Variants in COG5 observed in about 807,000 individuals in gnomAD.
The protein encoded by COG5 is conserved oligomeric Golgi complex subunit 5.
COG5 carries 86 observed loss-of-function variants against 110.4 expected under a neutral mutation model. The ratio of observed to expected loss-of-function variants is 0.78; its 90% CI spans 0.65 to 0.93. COG5 has a LOEUF of 0.93. Among genes scored for constraint, COG5 ranks in the 40% least tolerant of loss-of-function variants. The pLI is 0.00. For synonymous variants in COG5, 360 were observed against 334.6 expected (o/e 1.08, Z -0.83); for missense variants, 1,077 against 987.0 (o/e 1.09, Z -1.22).
At chr7:107,508,189 A>G (rs1294627997) in intron 6 of COG5, among the ~76,000 whole-genome samples, 2 of 152,206 alleles carry the variant, frequency 1.3e-5, no homozygotes, top group Non-Finnish European at 2.9e-5. Context: ...CTAATACTGC[A>G]CTTTTCCAAT....
chr7:107,265,685 C>T (rs1444222260), intron 14 of COG5, among the ~76,000 whole-genome samples: 2 of 152,058 alleles, frequency 1.3e-5, no homozygotes, highest in South Asian at 4.2e-4. Context: ...GTCAATTATC[C>T]TATAAAAATG....
At chr7:107,230,022 T>C (rs2116398050) in intron 19 of COG5, among the ~76,000 whole-genome samples, 1 of 152,158 alleles carries the variant, frequency 6.6e-6, no homozygotes, top group East Asian at 1.9e-4. Context: ...AGCTAATTTT[T>C]GTATTTTTAG....
At chr7:107,522,806 A>C (rs185457743) in intron 6 of COG5, among the ~76,000 whole-genome samples, 1 of 152,126 alleles carries the variant, frequency 6.6e-6, no homozygotes, top group Non-Finnish European at 1.5e-5. Context: ...TGTTGAAAAG[A>C]CTATTTTTTT....
intron 12 of COG5, among the ~76,000 whole-genome samples, chr7:107,295,107 T>A (rs1344377425): frequency 0.012 from 1,254 of 106,790 alleles, 3 homozygotes; most frequent in Non-Finnish European, 0.018. Flanking sequence ...ATATATTTTT[T>A]TTTTTTTTTT....
chr7:107,266,138 T>C (rs1162530103), intron 14 of COG5, among the ~76,000 whole-genome samples: 4 of 152,148 alleles, frequency 2.6e-5, no homozygotes, highest in Non-Finnish European at 4.4e-5. Flanking sequence ...TTATGTGGAA[T>C]CCAGGGTTAG....
intron 7 of COG5, among the ~76,000 whole-genome samples, chr7:107,382,899 T>C (rs1475060348): frequency 6.6e-6 from 1 of 152,226 alleles, no homozygotes; most frequent in Non-Finnish European, 1.5e-5. Context: ...AGACTAACCT[T>C]ACTTATTCCT....
chr7:107,217,362 C>T (rs982580316), intron 19 of COG5, among the ~76,000 whole-genome samples: 1 of 151,906 alleles, frequency 6.6e-6, no homozygotes, highest in Non-Finnish European at 1.5e-5. Context: ...CCAAAAAAAT[C>T]AAAAAGGAAG....
At chr7:107,420,219 G>A (rs1438545396) in intron 6 of COG5, among the ~76,000 whole-genome samples, 1 of 152,130 alleles carries the variant, frequency 6.6e-6, no homozygotes, top group East Asian at 1.9e-4. Context: ...ACTTTTCTGA[G>A]ACTCCAACAG....
chr7:107,542,827 G>C (rs764287356), intron 5 of COG5, among the ~76,000 whole-genome samples: 1 of 152,036 alleles, frequency 6.6e-6, no homozygotes, highest in Non-Finnish European at 1.5e-5. Context: ...CAAAAAAATA[G>C]CCAAATGTGG....
chr7:107,367,086 C>T (rs578134290), intron 8 of COG5, among the ~76,000 whole-genome samples: 1 of 84,202 alleles, frequency 1.2e-5, no homozygotes, highest in South Asian at 2.6e-4. Context: ...TTTTTGTCTC[C>T]TACATTTTGT....
intron 6 of COG5, among the ~76,000 whole-genome samples, chr7:107,439,200 T>C (rs1794556718): frequency 6.6e-6 from 1 of 152,156 alleles, no homozygotes; most frequent in Non-Finnish European, 1.5e-5. Context: ...TTCACTCTCT[T>C]ACATCATCAA....
At chr7:107,485,980 G>C (rs1797634256) in intron 6 of COG5, among the ~76,000 whole-genome samples, 1 of 152,148 alleles carries the variant, frequency 6.6e-6, no homozygotes, top group Admixed American at 6.6e-5. Flanking sequence ...ATATTAGGCA[G>C]AGGCACAAAC....
chr7:107,511,737 T>C (rs1230441685), intron 6 of COG5, among the ~76,000 whole-genome samples: 1 of 152,102 alleles, frequency 6.6e-6, no homozygotes, highest in Non-Finnish European at 1.5e-5. Context: ...AAGGCTGGTT[T>C]AACATATGAA....
At chr7:107,220,018 TGGGTAA>T in intron 19 of COG5, among the ~76,000 whole-genome samples, 1 of 152,252 alleles carries the variant, frequency 6.6e-6, no homozygotes, top group Non-Finnish European at 1.5e-5. Flanking sequence ...ATTTTACAGA[TGGGTAA>T]ACAGAGGCAT....
chr7:107,510,994 C>A (rs1461383947), intron 6 of COG5, among the ~76,000 whole-genome samples: 5 of 151,696 alleles, frequency 3.3e-5, no homozygotes, highest in Non-Finnish European at 5.9e-5. Flanking sequence ...ACTAGAAAAG[C>A]AAGAGCAAAC....
At chr7:107,466,925 GTTT>G (rs1399616113) in intron 6 of COG5, among the ~76,000 whole-genome samples, 1 of 152,160 alleles carries the variant, frequency 6.6e-6, no homozygotes, top group Admixed American at 6.5e-5. Context: ...ACAAAGCTGA[GTTT>G]TTATTTACAA....
intron 7 of COG5, among the ~76,000 whole-genome samples, chr7:107,395,108 TA>T (rs1343870896): frequency 6.6e-6 from 1 of 152,198 alleles, no homozygotes; most frequent in African/African-American, 2.4e-5. Context: ...CACAGAGATT[TA>T]AAAATTTTAC....
At chr7:107,367,569 T>TAC (rs146551030) in intron 8 of COG5, among the ~76,000 whole-genome samples, 14,133 of 150,764 alleles carry the variant, frequency 0.094, 1,040 homozygotes, top group African/African-American at 0.21. Flanking sequence ...TGTATATATA[T>TAC]ACACACACAC....
At chr7:107,323,255 G>A (rs183732099) in intron 11 of COG5, among the ~76,000 whole-genome samples, 7 of 152,298 alleles carry the variant, frequency 4.6e-5, no homozygotes, top group African/African-American at 1.4e-4. Flanking sequence ...CAGGCCGGGC[G>A]CAGTGGCTCA....
Sources: gnomAD v4.1 joint callset for allele counts (sites outside exome capture counted in the v4.1 genomes callset) on GRCh38, gnomAD v4.1.1 for gene constraint, MANE v1.5 for transcripts, NCBI Gene and HGNC (gene_info 2026-07-23, HGNC 2026-07-21) for gene names.